MTMR2: variants seen among roughly 807,000 people sequenced by gnomAD.
MTMR2 encodes the protein phosphatidylinositol-3,5-bisphosphate 3-phosphatase MTMR2.
In MTMR2, 55 loss-of-function variants were observed where a neutral mutation model predicts 86.9. The ratio of observed to expected loss-of-function variants is 0.63; its 90% CI spans 0.51 to 0.79. The LOEUF is 0.79. MTMR2 is among the 30% of genes least tolerant of loss of function. The pLI is 0.00. For synonymous variants in MTMR2, 241 were observed against 266.8 expected, an observed-to-expected ratio of 0.90 and a Z score of 0.94; for missense variants, 659 against 772.3, an observed-to-expected ratio of 0.85 and a Z score of 1.74.
At chr11:95,875,355 A>G (rs946364748) in intron 2 of MTMR2, among the ~76,000 whole-genome samples, 4 of 152,128 alleles carry the variant, frequency 2.6e-5, no homozygotes, top group African/African-American at 7.2e-5. Flanking sequence ...TTGATCTTCC[A>G]TCACTGATAC....
At chr11:95,878,658 A>G (rs971186206) in intron 2 of MTMR2, among the ~76,000 whole-genome samples, 10 of 151,886 alleles carry the variant, frequency 6.6e-5, no homozygotes, top group Admixed American at 6.6e-4. Flanking sequence ...CTATTTCTAC[A>G]TTTTGTCCTG....
intron 5 of MTMR2, among the ~76,000 whole-genome samples, chr11:95,861,605 G>A (rs951295256): frequency 2.5e-4 from 38 of 152,006 alleles, no homozygotes; most frequent in African/African-American, 9.2e-4. Flanking sequence ...TGTATTTTTA[G>A]TAGAGATGCG....
At chr11:95,904,408 T>C (rs906702734) in intron 1 of MTMR2, among the ~76,000 whole-genome samples, 4 of 152,204 alleles carry the variant, frequency 2.6e-5, no homozygotes, top group Non-Finnish European at 4.4e-5. Context: ...CAACTCCATC[T>C]TGAATAGGGG....
At chr11:95,864,966 T>C (rs1396306535) in intron 3 of MTMR2, among the ~76,000 whole-genome samples, 1 of 152,124 alleles carries the variant, frequency 6.6e-6, no homozygotes, top group Non-Finnish European at 1.5e-5. Context: ...TCAGAGTTTA[T>C]GAGTAGATAT....
intron 1 of MTMR2, among the ~76,000 whole-genome samples, chr11:95,905,365 ACAC>A (rs1347309174): frequency 7.2e-6 from 1 of 139,584 alleles, no homozygotes; most frequent in Non-Finnish European, 1.6e-5. Flanking sequence ...ACACACACAC[ACAC>A]AACACAACAC....
chr11:95,896,564 C>G (rs1865887699), intron 1 of MTMR2, among the ~76,000 whole-genome samples: 1 of 151,918 alleles, frequency 6.6e-6, no homozygotes, highest in Non-Finnish European at 1.5e-5. Context: ...ACTCCTAGGA[C>G]CTAGCATAGC....
At chr11:95,845,611 T>C (rs894001514) in intron 10 of MTMR2, among the ~76,000 whole-genome samples, 1 of 152,114 alleles carries the variant, frequency 6.6e-6, no homozygotes, top group African/African-American at 2.4e-5. Context: ...AAATACTCTA[T>C]AGCAGTTATT....
intron 7 of MTMR2, among the ~76,000 whole-genome samples, chr11:95,852,940 C>T (rs1864076063): frequency 6.6e-6 from 1 of 151,802 alleles, no homozygotes; most frequent in Non-Finnish European, 1.5e-5. Context: ...GAAGCTGAGG[C>T]AGGAGAACTG....
chr11:95,915,407 T>G (rs1452511539), intron 1 of MTMR2, among the ~76,000 whole-genome samples: 2 of 152,182 alleles, frequency 1.3e-5, no homozygotes, highest in African/African-American at 4.8e-5. Context: ...GATGAATAAA[T>G]GTTTTATCAA....
At chr11:95,854,464 T>C (rs1468268941) in intron 7 of MTMR2, among the ~76,000 whole-genome samples, 1 of 152,166 alleles carries the variant, frequency 6.6e-6, no homozygotes, top group Non-Finnish European at 1.5e-5. Context: ...GTGCTCGTTA[T>C]CTTTTTTGTT....
rs1319029908 is a variant in MTMR2 at position 95,849,827 on chromosome 11, T to A, written c.840A>T (p.Thr280=). 3.1e-6 allele frequency: 5 copies of A among 1,614,028 alleles called. No homozygotes were observed. In the South Asian group the frequency reaches 5.5e-5, roughly 18 times the overall value. ...CCATGGGCTGGCTACACCGAGTGAT[T>A]GTGGCTTGACTTTCAGGATGAATCC... ...LSWIHPESQA[T]ITRCSQPMVG... is the part of the protein sequence containing the mutation. The change falls in exon 9 of 15, where the codon ACA becomes ACT. Residue 280 remains threonine (T), a synonymous_variant. Coordinates refer to ENST00000346299, the MANE Select transcript of MTMR2 (RefSeq NM_016156.6).
chr11:95,889,662 C>A (rs1865644292), intron 1 of MTMR2, among the ~76,000 whole-genome samples: 1 of 151,990 alleles, frequency 6.6e-6, no homozygotes, highest in African/African-American at 2.4e-5. Context: ...AAGCCCACTT[C>A]TTTTTTATTT....
chr11:95,910,888 A>T (rs1358845058), intron 1 of MTMR2, among the ~76,000 whole-genome samples: 6 of 152,126 alleles, frequency 3.9e-5, no homozygotes, highest in African/African-American at 7.2e-5. Context: ...TATTTAAAAA[A>T]AATAATAAAA....
In MTMR2 at chr11:95,834,994, C is replaced by T; in HGVS notation, c.*296G>A. 2 of 378,552 alleles carry T rather than the reference C, an allele frequency of 5.3e-6. No homozygotes were observed. The highest frequency in any genetic ancestry group is 2.7e-5 in the South Asian group (1 of 37,384). 23.4% of individuals were successfully genotyped at this position (378,552 alleles called of 1,614,324 possible). On this transcript the variant is annotated 3_prime_UTR_variant, in exon 15 of 15. Transcript: ENST00000346299. Reference sequence around the variant, plus strand: ...ATTACCAGATGCCAAAAATTTGTAACAGCATTTGCCTTTTAATAGAAACTT... The same window carrying T: ...ATTACCAGATGCCAAAAATTTGTAATAGCATTTGCCTTTTAATAGAAACTT...
intron 1 of MTMR2, among the ~76,000 whole-genome samples, chr11:95,912,782 T>C (rs1240313300): frequency 6.6e-6 from 1 of 152,032 alleles, no homozygotes; most frequent in Non-Finnish European, 1.5e-5. Context: ...TCTGGCTTGG[T>C]ATATAAAGCA....
chr11:95,888,922 G>C (rs1175933027), intron 1 of MTMR2, among the ~76,000 whole-genome samples: 1 of 152,050 alleles, frequency 6.6e-6, no homozygotes, highest in Non-Finnish European at 1.5e-5. Flanking sequence ...CAATGCAAAG[G>C]TATAGAAGTA....
At chr11:95,850,316 T>C (rs760215995) in intron 8 of MTMR2, among the ~76,000 whole-genome samples, 2 of 151,926 alleles carry the variant, frequency 1.3e-5, no homozygotes, top group Non-Finnish European at 2.9e-5. Context: ...CTAAAGAATA[T>C]ACAATAAGAT....
chr11:95,841,142 AAAG>A (rs1170421411), intron 12 of MTMR2, among the ~76,000 whole-genome samples: 8 of 152,190 alleles, frequency 5.3e-5, no homozygotes, highest in Non-Finnish European at 1.2e-4. Context: ...CAAAAAATAA[AAAG>A]AACTGGATGT....
At chr11:95,917,868 C>T (rs970077202) in intron 1 of MTMR2, among the ~76,000 whole-genome samples, 1 of 152,180 alleles carries the variant, frequency 6.6e-6, no homozygotes, top group Non-Finnish European at 1.5e-5. Context: ...TGGATCTGAA[C>T]AGTTCACACC....
Sources: gnomAD v4.1 joint callset for allele counts (sites outside exome capture counted in the v4.1 genomes callset) on GRCh38, gnomAD v4.1.1 for gene constraint, MANE v1.5 for transcripts, NCBI Gene and HGNC (gene_info 2026-07-23, HGNC 2026-07-21) for gene names.